The following CDH10 variants were observed in gnomAD, a reference collection of about 807,000 sequenced individuals.
CDH10 encodes the protein cadherin-10.
A neutral mutation model predicts 73.1 loss-of-function variants in CDH10; 30 were observed. That is an observed-to-expected ratio of 0.41 (90% CI 0.31 to 0.56). The LOEUF (loss-of-function observed/expected upper bound fraction) is 0.56. Ranked by LOEUF, CDH10 falls within the 20% of genes least tolerant of loss-of-function variation. The pLI is 0.27. For missense variants in CDH10, 815 were observed against 973.7 expected, an observed-to-expected ratio of 0.84 and a Z score of 2.17; for synonymous variants, 345 against 348.2, an observed-to-expected ratio of 0.99 and a Z score of 0.10.
Position 24,640,719 on chromosome 5 carries a change from G to A in CDH10, c.-124+3875C>T, listed in dbSNP as rs536241872. On this transcript the variant is annotated intron_variant, in intron 1 of 11. Coordinates refer to ENST00000264463, the MANE Select transcript of CDH10 (RefSeq NM_006727.5). ...GCTACATTTTATTTCCTAAAATGAT[G>A]TAAAATGTGATTTTATTGTATTCCT... Among the ~76,000 whole-genome samples the A allele has an allele frequency of 9.9e-5, 15 of 151,910 alleles. No homozygotes were observed. The East Asian group carries it at 1.9e-3, about 20-fold the overall frequency.
chr5:24,541,801 A>G (rs1744168235), intron 2 of CDH10, among the ~76,000 whole-genome samples: 1 of 152,118 alleles, frequency 6.6e-6, no homozygotes, highest in African/African-American at 2.4e-5. Context: ...CCTATTAAAA[A>G]TTCACAACCT....
At chr5:24,493,373 GT>G (rs1409672529) in intron 9 of CDH10, among the ~76,000 whole-genome samples, 8 of 151,750 alleles carry the variant, frequency 5.3e-5, no homozygotes, top group Non-Finnish European at 8.8e-5. Context: ...TTTTAACAGA[GT>G]CTTAAACATT....
intron 2 of CDH10, among the ~76,000 whole-genome samples, chr5:24,567,414 A>G (rs1439229654): frequency 6.6e-6 from 1 of 151,930 alleles, no homozygotes; most frequent in East Asian, 1.9e-4. Flanking sequence ...AGGAAACGAG[A>G]TACACAAACT....
At chr5:24,621,113 C>T (rs1263568162) in intron 1 of CDH10, among the ~76,000 whole-genome samples, 1 of 152,084 alleles carries the variant, frequency 6.6e-6, no homozygotes, top group Non-Finnish European at 1.5e-5. Context: ...TCCTCAAGGA[C>T]ATCAGAACTG....
intron 2 of CDH10, among the ~76,000 whole-genome samples, chr5:24,570,399 C>T (rs1280030228): frequency 1.3e-5 from 2 of 151,862 alleles, no homozygotes; most frequent in South Asian, 2.1e-4. Flanking sequence ...CCGTTAGTGT[C>T]GGATAGAAGT....
In CDH10 at chr5:24,633,345, C is replaced by T. The variant is rs115542510; in HGVS notation, c.-124+11249G>A. The stretch of plus-strand genomic sequence containing the variant: ...AAAGAGGCTTGATATTTGGTGAATA[C>T]GTATGTTACACAAAGTAAAAATGAA... On this transcript the variant is annotated intron_variant, in intron 1 of 11. Transcript: ENST00000264463. Among the ~76,000 whole-genome samples the T allele has an allele frequency of 8.3e-3, 1,255 of 151,636 alleles. 18 individuals are homozygous for T. Among genetic ancestry groups the T allele is most frequent in the African/African-American group, 0.029 (1,192 of 41,410 alleles).
intron 2 of CDH10, among the ~76,000 whole-genome samples, chr5:24,591,824 AATG>A (rs1355462219): frequency 6.6e-6 from 1 of 151,994 alleles, no homozygotes; most frequent in African/African-American, 2.4e-5. Flanking sequence ...TATATAATGT[AATG>A]ATAATTCAAT....
chr5:24,491,857 G>T (rs1220851878), intron 10 of CDH10, 30 bp from the exon 11 acceptor site: 15 of 1,460,182 alleles, frequency 1.0e-5, no homozygotes, highest in Non-Finnish European at 9.4e-7. Context: ...ATTACAAATG[G>T]TTTGGGATAG....
intron 8 of CDH10, among the ~76,000 whole-genome samples, chr5:24,503,418 TG>T (rs1474726124): frequency 1.3e-5 from 2 of 152,190 alleles, no homozygotes; most frequent in African/African-American, 4.8e-5. Flanking sequence ...GCTGGCTTCA[TG>T]GGCCTGTGAC....
chr5:24,548,480 C>CTTTT (rs70965609), intron 2 of CDH10, among the ~76,000 whole-genome samples: 17 of 108,684 alleles, frequency 1.6e-4, no homozygotes, highest in African/African-American at 2.4e-4. Context: ...CAGTCCTCCT[C>CTTTT]TTTTTTTTTT....
At chr5:24,564,144 A>G in intron 2 of CDH10, among the ~76,000 whole-genome samples, 1 of 152,184 alleles carries the variant, frequency 6.6e-6, no homozygotes, top group Non-Finnish European at 1.5e-5. Context: ...ATGTGTATTC[A>G]TTGCTATTGG....
rs1742107034 is a variant in CDH10, at chr5:24,492,721, AAT to A, written c.1624+94_1624+95del. 39 of 634,680 alleles carry A rather than the reference AAT, an allele frequency of 6.1e-5. No individual in the cohort carries two copies. The South Asian group carries it at 7.8e-4, about 13-fold the overall frequency. 39.3% of individuals were successfully genotyped at this position (634,680 alleles called of 1,614,324 possible). A position where few individuals can be genotyped will look rare whatever the true frequency, so the allele number is the denominator to read the frequency against. ...AAAACAAAATTGTATAACTCAGATC[AAT>A]AAATTGATATGGCATATATATTGCA... On this transcript the variant is annotated intron_variant, in intron 10 of 11. Transcript: ENST00000264463.
chr5:24,638,617 C>T (rs890830469), intron 1 of CDH10, among the ~76,000 whole-genome samples: 1 of 151,764 alleles, frequency 6.6e-6, no homozygotes, highest in African/African-American at 2.4e-5. Context: ...GAGCCAAATG[C>T]AGGCAGAATA....
rs144539914 is a variant in CDH10 at position 24,638,175 on chromosome 5, G to A, written c.-124+6419C>T. ...CATTTCTGCCGTTTTTTTAAGTATC[G>A]ATAGCAAGTACTTATGCCTATTCCC... On this transcript the variant is annotated intron_variant, in intron 1 of 11. Transcript: ENST00000264463. Among the ~76,000 whole-genome samples the A allele has an allele frequency of 9.1e-4, 137 of 151,202 alleles. 1 individual carries two copies. Among genetic ancestry groups the A allele is most frequent in the African/African-American group, 3.2e-3 (133 of 41,252 alleles).
At chr5:24,544,702 A>G (rs977232792) in intron 2 of CDH10, among the ~76,000 whole-genome samples, 1 of 152,086 alleles carries the variant, frequency 6.6e-6, no homozygotes, top group African/African-American at 2.4e-5. Flanking sequence ...GGTCCTGGAG[A>G]TGTAGGAGCT....
At chr5:24,619,216 C>T (rs1026668102) in intron 1 of CDH10, among the ~76,000 whole-genome samples, 10 of 151,654 alleles carry the variant, frequency 6.6e-5, no homozygotes, top group Non-Finnish European at 1.2e-4. Flanking sequence ...TCTTTTGAGA[C>T]GTAGTCTCAC....
At chr5:24,514,642 C>T (rs569896381) in intron 5 of CDH10, among the ~76,000 whole-genome samples, 5 of 152,032 alleles carry the variant, frequency 3.3e-5, no homozygotes, top group Non-Finnish European at 7.4e-5. Context: ...GATATCACTG[C>T]CCCAATGAAA....
At chr5:24,598,791 G>T (rs372859365) in intron 1 of CDH10, among the ~76,000 whole-genome samples, 1 of 152,066 alleles carries the variant, frequency 6.6e-6, no homozygotes. Context: ...AAGCAAAACC[G>T]TTTGAAATTA....
chr5:24,567,252 G>A (rs963161930), intron 2 of CDH10, among the ~76,000 whole-genome samples: 3 of 151,798 alleles, frequency 2.0e-5, no homozygotes, highest in Non-Finnish European at 4.4e-5. Context: ...AATTGTGACA[G>A]TGTAAATTTT....
Sources: gnomAD v4.1 joint callset for allele counts (sites outside exome capture counted in the v4.1 genomes callset) on GRCh38, gnomAD v4.1.1 for gene constraint, MANE v1.5 for transcripts, NCBI Gene and HGNC (gene_info 2026-07-23, HGNC 2026-07-21) for gene names.